The following DLGAP2 variants were observed in gnomAD, a reference collection of about 807,000 sequenced individuals.
DLGAP2 encodes DLG associated protein 2, also known as disks large-associated protein 2.
DLGAP2 carries 26 observed loss-of-function variants against 100.3 expected under a neutral mutation model. The observed-to-expected ratio is 0.26, with a 90% CI of 0.19 to 0.36. The LOEUF is 0.36. Among genes scored for constraint, DLGAP2 ranks in the 10% least tolerant of loss-of-function variants. The probability of loss-of-function intolerance (pLI) is 1.00; values close to 1 mark genes in which losing one functional copy is unlikely to be tolerated. For synonymous variants in DLGAP2, 886 were observed against 630.1 expected (o/e 1.41, Z -6.08); for missense variants, 1,858 against 1,453.2 (o/e 1.28, Z -4.53).
chr8:794,944 G>A (rs150881893), intron 1 of DLGAP2, among the ~76,000 whole-genome samples: 156 of 152,318 alleles, frequency 1.0e-3, no homozygotes, highest in African/African-American at 3.7e-3. Context: ...TTTGTGTTAT[G>A]CGTGTGGCTT....
chr8:1,525,191 C>CT (rs56358216), intron 4 of DLGAP2, among the ~76,000 whole-genome samples: 7,109 of 103,596 alleles, frequency 0.069, 666 homozygotes, highest in African/African-American at 0.21. Flanking sequence ...ACTCTGATGT[C>CT]TTTTTTTTTT....
At chr8:1,198,781 T>C (rs560942118) in intron 2 of DLGAP2, among the ~76,000 whole-genome samples, 1 of 152,188 alleles carries the variant, frequency 6.6e-6, no homozygotes, top group South Asian at 2.1e-4. Context: ...GCTTCCCCTT[T>C]CCCTCGGGAG....
In DLGAP2 at chr8:1,240,055, G is replaced by A. The variant is rs530309934; in HGVS notation, c.74-18796G>A. ...GCCGTGTCTAGTTCTCTCACATGGC[G>A]CCGTGTCTAGTTATCTCACATGGTG... On this transcript the variant is annotated intron_variant, in intron 2 of 14. Transcript: ENST00000637795. Among the ~76,000 whole-genome samples the A allele has an allele frequency of 8.1e-3, 1,205 of 148,078 alleles. 14 individuals are homozygous for A. Among genetic ancestry groups the A allele is most frequent in the African/African-American group, 0.028 (1,135 of 39,954 alleles).
chr8:1,220,846 A>G (rs1023391528), intron 2 of DLGAP2, among the ~76,000 whole-genome samples: 1 of 150,278 alleles, frequency 6.7e-6, no homozygotes, highest in African/African-American at 2.4e-5. Context: ...ACCTTTTATC[A>G]TTATGTAATG....
chr8:1,513,786 C>T (rs964691580), intron 4 of DLGAP2, among the ~76,000 whole-genome samples: 1 of 152,170 alleles, frequency 6.6e-6, no homozygotes, highest in Non-Finnish European at 1.5e-5. Context: ...GGCACCCTTC[C>T]CCCAGTTTCA....
At chr8:1,354,157 C>T (rs13250464) in intron 3 of DLGAP2, among the ~76,000 whole-genome samples, 31,678 of 152,132 alleles carry the variant, frequency 0.21, 4,042 homozygotes, top group Admixed American at 0.29. Context: ...ATTCTCTCAG[C>T]ATGAACCGTT....
intron 3 of DLGAP2, among the ~76,000 whole-genome samples, chr8:1,325,438 C>A (rs757717782): frequency 5.9e-5 from 9 of 152,220 alleles, no homozygotes; most frequent in Non-Finnish European, 1.0e-4. Context: ...GCTGCTGTAG[C>A]GCGTTTTTGA....
chr8:1,418,779 G>A (rs1273885249), intron 3 of DLGAP2, among the ~76,000 whole-genome samples: 14 of 152,160 alleles, frequency 9.2e-5, no homozygotes, highest in Admixed American at 9.2e-4. Context: ...TCCTGACCCT[G>A]ACCACCTGCA....
chr8:1,123,838 C>G (rs944960885), intron 2 of DLGAP2, among the ~76,000 whole-genome samples: 1 of 152,084 alleles, frequency 6.6e-6, no homozygotes, highest in Non-Finnish European at 1.5e-5. Flanking sequence ...TTAACCTCAC[C>G]TTTTCCTCAG....
At chr8:1,628,321 G>C (rs4876111) in intron 7 of DLGAP2, among the ~76,000 whole-genome samples, 357 of 108,814 alleles carry the variant, frequency 3.3e-3, no homozygotes, top group Admixed American at 3.7e-3. Flanking sequence ...CTTGAGCCGA[G>C]CTCACATTCT....
intron 3 of DLGAP2, among the ~76,000 whole-genome samples, chr8:1,356,908 C>T (rs1563102950): frequency 6.6e-6 from 1 of 152,206 alleles, no homozygotes. Flanking sequence ...CTTGTGTCTA[C>T]AGTGCCCGTG....
At chr8:917,229 C>CCCTT (rs568944410) in intron 2 of DLGAP2, among the ~76,000 whole-genome samples, 15,949 of 138,098 alleles carry the variant, frequency 0.12, 1,145 homozygotes, top group East Asian at 0.27. Flanking sequence ...CTCCCTCCCT[C>CCCTT]CCTTCCTTCC....
At chr8:947,121 C>G (rs1171391196) in intron 2 of DLGAP2, among the ~76,000 whole-genome samples, 1 of 152,232 alleles carries the variant, frequency 6.6e-6, no homozygotes. Context: ...GCGCCCGCAT[C>G]TGCCAGGAAG....
intron 8 of DLGAP2, among the ~76,000 whole-genome samples, chr8:1,652,410 A>G (rs927264543): frequency 6.6e-6 from 1 of 152,192 alleles, no homozygotes; most frequent in African/African-American, 2.4e-5. Flanking sequence ...CACATAGTAG[A>G]TAGAAATGTT....
intron 1 of DLGAP2, among the ~76,000 whole-genome samples, chr8:803,747 G>A (rs1376285648): frequency 6.6e-6 from 1 of 152,190 alleles, no homozygotes; most frequent in Non-Finnish European, 1.5e-5. Context: ...CCAGAGAAAC[G>A]TGCTGTACTT....
intron 2 of DLGAP2, among the ~76,000 whole-genome samples, chr8:1,003,685 C>A (rs1319728327): frequency 6.6e-6 from 1 of 152,212 alleles, no homozygotes; most frequent in African/African-American, 2.4e-5. Context: ...CACTCACTCA[C>A]ACAGGGCAGG....
At chr8:1,100,176 G>A (rs1804529233) in intron 2 of DLGAP2, among the ~76,000 whole-genome samples, 1 of 148,660 alleles carries the variant, frequency 6.7e-6, no homozygotes, top group African/African-American at 2.5e-5. Context: ...CGTGTGTAGG[G>A]AAAACCTTTG....
chr8:1,693,970 G>A (rs139814444), intron 13 of DLGAP2, among the ~76,000 whole-genome samples: 82 of 152,282 alleles, frequency 5.4e-4, no homozygotes, highest in African/African-American at 2.0e-3. Flanking sequence ...AGACTCGGGT[G>A]AGCCTAGGCA....
chr8:1,457,996 A>ATATG (rs1322968399), intron 3 of DLGAP2, among the ~76,000 whole-genome samples: 1 of 139,176 alleles, frequency 7.2e-6, no homozygotes, highest in Non-Finnish European at 1.5e-5. Context: ...ATATATATAT[A>ATATG]TATATATATA....
Sources: gnomAD v4.1 joint callset for allele counts (sites outside exome capture counted in the v4.1 genomes callset) on GRCh38, gnomAD v4.1.1 for gene constraint, MANE v1.5 for transcripts, NCBI Gene and HGNC (gene_info 2026-07-23, HGNC 2026-07-21) for gene names.